RNF167: variants seen among roughly 807,000 people sequenced by gnomAD.
RNF167 encodes the protein E3 ubiquitin-protein ligase RNF167.
A neutral mutation model predicts 34.8 loss-of-function variants in RNF167; 19 were observed. The observed-to-expected ratio is 0.55, with a 90% CI of 0.38 to 0.80. RNF167 has a LOEUF of 0.80. Among genes scored for constraint, RNF167 ranks in the 30% least tolerant of loss-of-function variants. RNF167 has a pLI of 0.00. For synonymous variants in RNF167, 200 were observed against 170.4 expected, an observed-to-expected ratio of 1.17 and a Z score of -1.35; for missense variants, 464 against 447.0, an observed-to-expected ratio of 1.04 and a Z score of -0.34.
chr17:4,944,492 T>C (rs1971178814), intron 8 of RNF167, 66 bp from the exon 9 acceptor site: 2 of 1,515,630 alleles, frequency 1.3e-6, no homozygotes, highest in Non-Finnish European at 1.8e-6. Flanking sequence ...TTGCAAGGCT[T>C]TAAAAGCCTT....
At chr17:4,943,741 T>C (rs1012697339) in intron 8 of RNF167, among the ~76,000 whole-genome samples, 11 of 152,058 alleles carry the variant, frequency 7.2e-5, no homozygotes, top group African/African-American at 2.4e-4. Flanking sequence ...AACAGAAAAG[T>C]CCCAGCACTT....
In RNF167 at chr17:4,943,183, C is replaced by T. The variant is rs200448878; in HGVS notation, c.475C>T (p.Arg159Trp). 1.4e-5 allele frequency: 23 copies of T among 1,613,812 alleles called. No individual in the cohort carries two copies. The highest frequency in any genetic ancestry group is 2.2e-5 in the East Asian group (1 of 44,882). ...GACTGGTCATCCTTTTCCCAGGGCT[C>T]GGGTGCTTCTGGTTCCAGACAATAC... ...RALFVYEKGA[R>W]VLLVPDNTFP... The change falls in exon 7 of 10, where the codon CGG (arginine) becomes TGG (tryptophan). Residue 159 changes from arginine (R) to tryptophan (W), a missense_variant. Transcript: ENST00000262482.
chr17:4,944,507 C>T, intron 8 of RNF167, 51 bp from the exon 9 acceptor site: 5 of 1,532,390 alleles, frequency 3.3e-6, no homozygotes, highest in Non-Finnish European at 4.4e-6. Flanking sequence ...AGCCTTAGCC[C>T]TGGGTCATTG....
chr17:4,945,062 T>A lies in RNF167; in HGVS notation c.*46T>A, dbSNP rs749269226. 2.1e-6 allele frequency: 3 copies of A among 1,450,828 alleles called. No homozygotes were observed. The Admixed American group carries it at 7.1e-5, about 35-fold the overall frequency. 89.9% of individuals were successfully genotyped at this position (1,450,828 alleles called of 1,614,324 possible). A position where few individuals can be genotyped will look rare whatever the true frequency, so the allele number is the denominator to read the frequency against. On this transcript the variant is annotated 3_prime_UTR_variant, in exon 10 of 10. Transcript: ENST00000262482. ...TCTGGTGACCTATTTGCACAGACCG[T>A]CGTCTTCCCTCCAGTCTTCTGAGGG...
intron 6 of RNF167, 36 bp downstream of exon 6, chr17:4,942,977 C>T: frequency 6.3e-7 from 1 of 1,591,240 alleles, no homozygotes; most frequent in Non-Finnish European, 8.6e-7. Context: ...CTTCCTTCAG[C>T]AAGCAGTTCC....
intron 8 of RNF167, 45 bp downstream of exon 8, chr17:4,943,564 G>GTGGGAAAA: frequency 6.8e-7 from 1 of 1,477,904 alleles, no homozygotes; most frequent in Non-Finnish European, 9.4e-7. Context: ...CAGTTTACCT[G>GTGGGAAAA]GTTCTGAAGG....
intron 8 of RNF167, 81 bp from the exon 9 acceptor site, chr17:4,944,477 A>G (rs976988231): frequency 6.6e-7 from 1 of 1,509,078 alleles, no homozygotes; most frequent in Non-Finnish European, 8.8e-7. Flanking sequence ...GGTGAGGGGA[A>G]ATTTTTGCAA....
chr17:4,943,458 C>G lies in RNF167; in HGVS notation c.609C>G (p.Leu203=), dbSNP rs772892146. The G allele has an allele frequency of 1.2e-6, 2 of 1,614,008 alleles. No individual in the cohort carries two copies. The highest frequency in any genetic ancestry group is 1.3e-5 in the African/African-American group (1 of 75,040). The part of the protein sequence containing the change: ...IARCIQHRKR[L]QRNRLTKEQL... ...GTTGTATCCAGCACCGGAAACGGCT[C>G]CAGCGGAATCGACTTACCAAAGAGC... The change falls in exon 8 of 10, where the codon CTC becomes CTG. Residue 203 remains leucine, a synonymous_variant. Coordinates refer to ENST00000262482, the MANE Select transcript of RNF167 (RefSeq NM_015528.3).
intron 3 of RNF167, among the ~76,000 whole-genome samples, chr17:4,941,456 A>G (rs1970796689): frequency 6.6e-6 from 1 of 152,180 alleles, no homozygotes; most frequent in South Asian, 2.1e-4. Context: ...CTCAGGTGCT[A>G]GTTATTGCTT....
chr17:4,944,317 C>A, intron 8 of RNF167: 1 of 912,688 alleles, frequency 1.1e-6, no homozygotes, highest in Non-Finnish European at 1.4e-6. Flanking sequence ...GTTCCTTCCA[C>A]TCCCTATCTC....
At position 4,942,429 on chromosome 17, in the gene RNF167, C is replaced by T. The variant is rs754044940; in HGVS notation, c.254C>T (p.Ala85Val). ...CCGGTCAATGGGTCAGTCTTTATTG[C>T]GCTGCTTCGAAGATTCGACTGCAAC... ...PAPVNGSVFI[A>V]LLRRFDCNFD... Residue 85 changes from alanine to valine, a missense_variant, in exon 4 of 10, where the codon GCG becomes GTG. Transcript: ENST00000262482. 1.1e-5 allele frequency: 18 copies of T among 1,613,962 alleles called. No homozygotes were observed. The highest frequency in any genetic ancestry group is 8.9e-5 in the East Asian group (4 of 44,892).
intron 2 of RNF167, 41 bp from the exon 3 acceptor site, chr17:4,941,036 G>T: frequency 3.7e-6 from 6 of 1,613,972 alleles, no homozygotes; most frequent in Non-Finnish European, 4.2e-6. Flanking sequence ...TGAAAGGAAG[G>T]GTTGCAGGCT....
chr17:4,942,147 G>A (rs1275937628), intron 3 of RNF167, among the ~76,000 whole-genome samples, 194 bp from the exon 4 acceptor site: 1 of 152,100 alleles, frequency 6.6e-6, no homozygotes, highest in Non-Finnish European at 1.5e-5. Context: ...TTTGGTGAAG[G>A]GATGTTTTAT....
chr17:4,940,568 GA>G lies in RNF167; in HGVS notation c.-340del, dbSNP rs886676262. ...CCGGAAGCCCTTTTCCAGAGGCTGGGAACACGGCCCACCTAGCAGGAAGTCC... is the reference window on the plus strand; with the variant it reads ...CCGGAAGCCCTTTTCCAGAGGCTGGGACACGGCCCACCTAGCAGGAAGTCC... On this transcript the variant is annotated 5_prime_UTR_variant, in exon 2 of 10. Transcript: ENST00000262482. 293 of 258,554 alleles carry G rather than the reference GA, an allele frequency of 1.1e-3. No individual in the cohort carries two copies. The highest frequency in any genetic ancestry group is 5.0e-4 in the Non-Finnish European group (69 of 136,738). 16.0% of individuals were successfully genotyped at this position (258,554 alleles called of 1,614,324 possible).
intron 8 of RNF167, among the ~76,000 whole-genome samples, 163 bp downstream of exon 8, chr17:4,943,682 C>A (rs537698156): frequency 6.6e-6 from 1 of 152,158 alleles, no homozygotes; most frequent in Non-Finnish European, 1.5e-5. Flanking sequence ...CCAAGGTGGG[C>A]AGGTCACTTG....
At position 4,942,564 on chromosome 17, in the gene RNF167, C is replaced by T. The variant is rs930155454; in HGVS notation, c.292-13C>T. The T allele has an allele frequency of 6.8e-6, 11 of 1,613,978 alleles. No homozygotes were observed. Among genetic ancestry groups the T allele is most frequent in the Non-Finnish European group, 9.3e-6 (11 of 1,179,896 alleles). On this transcript the variant is annotated splice_polypyrimidine_tract_variant and intron_variant, in intron 4 of 9. Transcript: ENST00000262482. ...CCCATGATGGCTCCTTGTCCTCTGC[C>T]TTGTCTCCCTAGGTCCTAAATGCCC...
intron 8 of RNF167, chr17:4,944,307 G>T (rs1465838046): frequency 1.2e-6 from 1 of 813,738 alleles, no homozygotes; most frequent in African/African-American, 1.8e-5. Flanking sequence ...GCCCATTTCC[G>T]TTCCTTCCAC....
At chr17:4,942,712 G>GA in intron 5 of RNF167, 48 bp downstream of exon 5, 3 of 1,603,620 alleles carry the variant, frequency 1.9e-6, no homozygotes, top group Non-Finnish European at 2.6e-6. Context: ...AGGACCCAGA[G>GA]ATGGTGGGAA....
In RNF167 at chr17:4,940,955, C is replaced by G. The variant is rs780624527; in HGVS notation, c.46C>G (p.Leu16Val). 9.9e-6 allele frequency: 16 copies of G among 1,609,940 alleles called. No individual in the cohort carries two copies. The highest frequency in any genetic ancestry group is 1.3e-5 in the Non-Finnish European group (15 of 1,177,630). The part of the protein sequence containing the change: ...FPLPVVVAAV[L>V]WGAAPTRGLI... ...GCTTCCTGTGGTTGTGGCCGCTGTG[C>G]TGTGGGGAGCGGCCCCGACCCGGGG... Residue 16 changes from leucine to valine, a missense_variant, in exon 2 of 10, where the codon CTG becomes GTG. Coordinates refer to ENST00000262482, the MANE Select transcript of RNF167 (RefSeq NM_015528.3).
Sources: gnomAD v4.1 joint callset for allele counts (sites outside exome capture counted in the v4.1 genomes callset) on GRCh38, gnomAD v4.1.1 for gene constraint, MANE v1.5 for transcripts, NCBI Gene and HGNC (gene_info 2026-07-23, HGNC 2026-07-21) for gene names.